TCHH: variants seen among roughly 807,000 people sequenced by gnomAD.
The protein encoded by TCHH is trichohyalin.
TCHH carries 6 observed loss-of-function variants against 6.3 expected under a neutral mutation model. That is an observed-to-expected ratio of 0.95 (90% CI 0.52 to 1.88). The LOEUF is 1.88. Among genes scored for constraint, TCHH ranks in the 40% most tolerant of loss-of-function variants. TCHH has a pLI of 0.01. For synonymous variants in TCHH, 1,087 were observed against 963.6 expected, an observed-to-expected ratio of 1.13 and a Z score of -2.37; for missense variants, 2,920 against 2,449.1, an observed-to-expected ratio of 1.19 and a Z score of -4.06.
In TCHH at chr1:152,113,064, A is replaced by G. The variant is rs752529355; in HGVS notation, c.153T>C (p.Pro51=). 1.2e-5 allele frequency: 20 copies of G among 1,608,802 alleles called. No individual in the cohort carries two copies. The highest frequency in any genetic ancestry group is 1.5e-5 in the Non-Finnish European group (18 of 1,177,322). ...GTTCCAGGATCAGATCTACCGTCTT[A>G]GGGTCATGTGGTCTCTATAAAAATG... ...FGAVLRRPHD[P]KTVDLILELL... Residue 51 remains proline (P), a synonymous_variant, in exon 3 of 3, where the codon CCT becomes CCC. Transcript: ENST00000614923.
In TCHH at chr1:152,111,034, C is replaced by T; in HGVS notation, c.2183G>A (p.Gly728Glu). ...KVYSRPRKQEGQRRRQEQEEK... is the reference protein window; with the variant it reads ...KVYSRPRKQEEQRRRQEQEEK... ...CTCCTGCTCTTGGCGGCGCCTCTGC[C>T]CTTCCTGCTTGCGGGGCCTCGAGTA... Residue 728 changes from glycine to glutamate, a missense_variant, in exon 3 of 3, where the codon GGG becomes GAG. Gly to Glu is a moderately conservative substitution (Grantham distance 98). Coordinates refer to ENST00000614923, the MANE Select transcript of TCHH (RefSeq NM_007113.4). The T allele has an allele frequency of 6.2e-7, 1 of 1,613,530 alleles. No individual in the cohort carries two copies. The highest frequency in any genetic ancestry group is 8.5e-7 in the Non-Finnish European group (1 of 1,179,996).
Position 152,109,477 on chromosome 1 carries a change from TTC to T in TCHH, c.3738_3739del (p.Asn1247Ter), listed in dbSNP as rs752545025. ...ATCTTCCAACTGCCGGAACTGTTCA[TTC>T]TCTCTGCCTTTGCAGTAAACCTTGT... On this transcript the variant is annotated frameshift_variant, in exon 3 of 3. Transcript: ENST00000614923. LOFTEE classifies it low-confidence loss of function (END_TRUNC). The T allele has an allele frequency of 6.2e-7, 1 of 1,614,244 alleles. No individual in the cohort carries two copies. Among genetic ancestry groups the T allele is most frequent in the Non-Finnish European group, 8.5e-7 (1 of 1,180,040 alleles).
chr1:152,111,898 T>G lies in TCHH; in HGVS notation c.1319A>C (p.Gln440Pro), dbSNP rs768448358. Reference sequence around the variant, plus strand: ...CTTCAGCCGCTGCTCGCGCCTCTCCTGCTCGTGCTTCTGCTCGTGCCTCTC... The same window carrying G: ...CTTCAGCCGCTGCTCGCGCCTCTCCGGCTCGTGCTTCTGCTCGTGCCTCTC... ...EEERHEQKHE[Q>P]ERREQRLKRE... is the part of the protein sequence containing the mutation. Residue 440 changes from glutamine to proline, a missense_variant, in exon 3 of 3, where the codon CAG becomes CCG. Transcript: ENST00000614923. 1.3e-6 allele frequency: 2 copies of G among 1,599,628 alleles called. No homozygotes were observed. Among genetic ancestry groups the G allele is most frequent in the Non-Finnish European group, 1.7e-6 (2 of 1,176,618 alleles).
rs756501254 is a variant in TCHH at position 152,109,715 on chromosome 1, T to G, written c.3502A>C (p.Arg1168=). The G allele has an allele frequency of 3.1e-6, 5 of 1,604,908 alleles. No individual in the cohort carries two copies. The highest frequency in any genetic ancestry group is 4.3e-6 in the Non-Finnish European group (5 of 1,176,326). ...PEKRRRQELE[R]QYREEEELQQ... is the part of the protein sequence containing the mutation. The stretch of plus-strand genomic sequence containing the variant: ...AGCTCCTCTTCCTCGCGGTATTGCC[T>G]CTCCAGCTCCTGGCGCCTTCTCTTC... Residue 1168 remains arginine (R), a synonymous_variant, in exon 3 of 3, where the codon AGG becomes CGG. Coordinates refer to ENST00000614923, the MANE Select transcript of TCHH (RefSeq NM_007113.4).
At position 152,109,815 on chromosome 1, in the gene TCHH, C is replaced by T; in HGVS notation, c.3402G>A (p.Gln1134=). The part of the protein sequence containing the change: ...LREEREKRRR[Q]ELERQYREEE... The stretch of plus-strand genomic sequence containing the variant: ...CCTCCCGATATTGCCTCTCCAGCTC[C>T]TGGCGCCTTCTCTTCTCCCGTTCCT... Residue 1134 remains glutamine, a synonymous_variant, in exon 3 of 3, where the codon CAG becomes CAA. Coordinates refer to ENST00000614923, the MANE Select transcript of TCHH (RefSeq NM_007113.4). 1.3e-6 allele frequency: 2 copies of T among 1,593,824 alleles called. No individual in the cohort carries two copies. The highest frequency in any genetic ancestry group is 1.7e-6 in the Non-Finnish European group (2 of 1,167,882).
rs765262516 is a variant in TCHH at position 152,109,424 on chromosome 1, G to C, written c.3793C>G (p.Gln1265Glu). ...TCACCCAGCAGGTGCTGCAGATCTT[G>C]CTGGGATTGTCTGTCGCGCAGCTGG... ...DSQLRDRQSQ[Q>E]DLQHLLGEQQ... Residue 1265 changes from glutamine (Q) to glutamate (E), a missense_variant, in exon 3 of 3, where the codon CAA becomes GAA. Gln to Glu is a conservative substitution (Grantham distance 29). Transcript: ENST00000614923. The C allele has an allele frequency of 9.3e-6, 15 of 1,613,442 alleles. No individual in the cohort carries two copies. Among genetic ancestry groups the C allele is most frequent in the Non-Finnish European group, 1.1e-5 (13 of 1,179,532 alleles).
In TCHH at chr1:152,110,636, C is replaced by T; in HGVS notation, c.2581G>A (p.Glu861Lys). The T allele has an allele frequency of 6.2e-7, 1 of 1,613,624 alleles. No homozygotes were observed. ...EEEDGLQEDQ[E>K]RRRSQEQRRD... ...CGCTGCTCCTGGCTTCGCCTCCTCT[C>T]CTGATCCTCCTGGAGGCCGTCCTCC... The change falls in exon 3 of 3, where the codon GAG becomes AAG. Residue 861 changes from glutamate (E) to lysine (K), a missense_variant. Glu to Lys is a moderately conservative substitution (Grantham distance 56, BLOSUM62 1). Transcript: ENST00000614923.
At position 152,109,878 on chromosome 1, in the gene TCHH, T is replaced by G. The variant is rs1299779698; in HGVS notation, c.3339A>C (p.Glu1113Asp). The G allele has an allele frequency of 4.4e-6, 7 of 1,598,174 alleles. No individual in the cohort carries two copies. Among genetic ancestry groups the G allele is most frequent in the African/African-American group, 4.2e-5 (3 of 71,402 alleles). ...RQERERQCREEEELQQEEEQL... is the reference protein window; with the variant it reads ...RQERERQCREDEELQQEEEQL... The stretch of plus-strand genomic sequence containing the variant: ...GCTCTTCCTCCTGCTGCAGCTCCTC[T>G]TCCTCCCGACATTGCCTCTCCCGCT... The change falls in exon 3 of 3, where the codon GAA becomes GAC. Residue 1113 changes from glutamate to aspartate, a missense_variant. By Grantham distance (45) the Glu-to-Asp change is conservative. Transcript: ENST00000614923.
In TCHH at chr1:152,107,325, G is replaced by A. The variant is rs1658130951; in HGVS notation, c.*60C>T. On this transcript the variant is annotated 3_prime_UTR_variant, in exon 3 of 3. Coordinates refer to ENST00000614923, the MANE Select transcript of TCHH (RefSeq NM_007113.4). ...CATCTGAGTTATCACTTGGTACCCA[G>A]TGTTTCTCATTTTCCCGTGCTCGAA... is the stretch of plus-strand genomic sequence containing the variant. 3.4e-6 allele frequency: 5 copies of A among 1,450,188 alleles called. No homozygotes were observed. Among genetic ancestry groups the A allele is most frequent in the African/African-American group, 1.4e-5 (1 of 70,360 alleles). 89.8% of individuals were successfully genotyped at this position (1,450,188 alleles called of 1,614,324 possible).
chr1:152,113,701 T>C (rs1475040349), intron 2 of TCHH, among the ~76,000 whole-genome samples: 1 of 152,232 alleles, frequency 6.6e-6, no homozygotes, highest in East Asian at 1.9e-4. Context: ...TTGACATCTT[T>C]TGTGGTAATG....
chr1:152,107,440 C>G lies in TCHH; in HGVS notation c.5777G>C (p.Arg1926Pro). The stretch of plus-strand genomic sequence containing the variant: ...GATGTACTCATAGAGAGGGCTGGAG[C>G]GCACTGGGACACTGGCAAACTGATG... ...GTHQFASVPV[R>P]SSPLYEYIQE... Residue 1926 changes from arginine (R) to proline (P), a missense_variant, in exon 3 of 3, where the codon CGC (arginine) becomes CCC (proline). By Grantham distance (103) the Arg-to-Pro change is moderately radical (BLOSUM62 -2). Transcript: ENST00000614923. 6.2e-7 allele frequency: 1 copy of G among 1,611,884 alleles called. No individual in the cohort carries two copies.
In TCHH at chr1:152,107,445, T is replaced by A. The variant is rs1306749722; in HGVS notation, c.5772A>T (p.Pro1924=). ...ACTCATAGAGAGGGCTGGAGCGCAC[T>A]GGGACACTGGCAAACTGATGAGTGC... ...EPGTHQFASV[P]VRSSPLYEYI... The change falls in exon 3 of 3, where the codon CCA becomes CCT. Residue 1924 remains proline (P), a synonymous_variant. Transcript: ENST00000614923. 1 of 1,613,342 alleles carries A rather than the reference T, an allele frequency of 6.2e-7. No homozygotes were observed. The highest frequency in any genetic ancestry group is 8.5e-7 in the Non-Finnish European group (1 of 1,179,672).
Position 152,109,161 on chromosome 1 carries a change from C to G in TCHH, c.4056G>C (p.Pro1352=). The change falls in exon 3 of 3, where the codon CCG becomes CCC. Residue 1352 remains proline (P), a synonymous_variant. Transcript: ENST00000614923. ...TTCTGTCACGCTCTTGGCGGCGCAG[C>G]GGCTGTTCCTCCCTTTCCTGGAGCA... ...EQLLQEREEQ[P]LRRQERDRKF... The G allele has an allele frequency of 6.2e-7, 1 of 1,613,762 alleles. No individual in the cohort carries two copies. The highest frequency in any genetic ancestry group is 2.2e-5 in the East Asian group (1 of 44,866).
In TCHH at chr1:152,112,830, C is replaced by A. The variant is rs369498918; in HGVS notation, c.387G>T (p.Leu129=). 9.9e-5 allele frequency: 160 copies of A among 1,613,844 alleles called. No homozygotes were observed. The highest frequency in any genetic ancestry group is 1.3e-4 in the Non-Finnish European group (149 of 1,180,012). The change falls in exon 3 of 3, where the codon CTG becomes CTT. Residue 129 remains leucine, a synonymous_variant. Transcript: ENST00000614923. ...TGCGTCGTTGCCCAGGTTCTTCTTC[C>A]AGTTGTCTGTCCCGGGGCTCGAATC... The part of the protein sequence containing the change: ...QRRFEPRDRQ[L]EEEPGQRRRQ...
At position 152,111,365 on chromosome 1, in the gene TCHH, G is replaced by A. The variant is rs755878317; in HGVS notation, c.1852C>T (p.Gln618Ter). The A allele has an allele frequency of 1.2e-6, 2 of 1,607,832 alleles. No individual in the cohort carries two copies. Among genetic ancestry groups the A allele is most frequent in the Non-Finnish European group, 1.7e-6 (2 of 1,178,562 alleles). The change falls in exon 3 of 3, where the codon CAG (glutamine) becomes TAG (stop). Residue 618 changes from glutamine to a stop codon, truncating the protein, a stop_gained. Transcript: ENST00000614923. LOFTEE classifies it low-confidence loss of function (END_TRUNC). The part of the protein sequence containing the change: ...ERLEQEERRE[Q>*]RLKREEPEEE... Reference sequence around the variant, plus strand: ...TCCGGCTCCTCGCGCTTCAGCCGCTGCTCGCGCCTCTCCTCCTGCTCGAGT... The same window carrying A: ...TCCGGCTCCTCGCGCTTCAGCCGCTACTCGCGCCTCTCCTCCTGCTCGAGT...
At position 152,110,351 on chromosome 1, in the gene TCHH, G is replaced by C. The variant is rs372726423; in HGVS notation, c.2866C>G (p.Arg956Gly). The C allele has an allele frequency of 1.6e-5, 26 of 1,607,438 alleles. No homozygotes were observed. The highest frequency in any genetic ancestry group is 2.2e-5 in the Non-Finnish European group (26 of 1,177,998). Residue 956 changes from arginine (R) to glycine (G), a missense_variant, in exon 3 of 3, where the codon CGG becomes GGG. By Grantham distance (125) the Arg-to-Gly change is moderately radical. Coordinates refer to ENST00000614923, the MANE Select transcript of TCHH (RefSeq NM_007113.4). ...TTATCCTTCCGATATTGCCTTTCCCGCTCCTGGCGTCTTCTTTTCTCCCGT... is the reference window on the plus strand; with the variant it reads ...TTATCCTTCCGATATTGCCTTTCCCCCTCCTGGCGTCTTCTTTTCTCCCGT... Reference protein sequence around the residue: ...EEREKRRRQERERQYRKDKKL... With the variant: ...EEREKRRRQEGERQYRKDKKL...
Position 152,115,014 on chromosome 1 carries a change from C to G in TCHH, c.-32+377G>C, listed in dbSNP as rs373822083. Among the ~76,000 whole-genome samples the G allele has an allele frequency of 1.5e-4, 23 of 152,318 alleles. No individual in the cohort carries two copies. In the East Asian group the frequency reaches 3.7e-3, roughly 24 times the overall value. On this transcript the variant is annotated intron_variant, in intron 1 of 2. Coordinates refer to ENST00000614923, the MANE Select transcript of TCHH (RefSeq NM_007113.4). ...ATCTAGCTGACTTCTTTATGTACTT[C>G]TCAACTCCAGTACCTTAAATGCTGT...
At position 152,108,266 on chromosome 1, in the gene TCHH, G is replaced by A. The variant is rs1322619236; in HGVS notation, c.4951C>T (p.Gln1651Ter). The A allele has an allele frequency of 1.9e-6, 3 of 1,613,038 alleles. No individual in the cohort carries two copies. ...TGTTCGCGCTCCTGGCGGCGCAGCT[G>A]CGGTTCCTCCTCGAGGAATTTTCTG... is the stretch of plus-strand genomic sequence containing the variant. ...RDRKFLEEEP[Q>*]LRRQEREQQL... The change falls in exon 3 of 3, where the codon CAG becomes TAG. Residue 1651 changes from glutamine (Q) to a stop codon, truncating the protein, a stop_gained. Transcript: ENST00000614923. LOFTEE classifies it low-confidence loss of function (END_TRUNC).
In TCHH at chr1:152,108,034, T is replaced by G. The variant is rs770475814; in HGVS notation, c.5183A>C (p.Glu1728Ala). Reference sequence around the variant, plus strand: ...CTCCGTTTCTTGGCGCAGCTGTTCCTCCTCACGGAATTTTCTCTCCAGTTC... The same window carrying G: ...CTCCGTTTCTTGGCGCAGCTGTTCCGCCTCACGGAATTTTCTCTCCAGTTC... ...RQELERKFRE[E>A]EQLRQETEQE... is the part of the protein sequence containing the mutation. Residue 1728 changes from glutamate to alanine, a missense_variant, in exon 3 of 3, where the codon GAG becomes GCG. By Grantham distance (107) the Glu-to-Ala change is moderately radical. Coordinates refer to ENST00000614923, the MANE Select transcript of TCHH (RefSeq NM_007113.4). 2.6e-5 allele frequency: 42 copies of G among 1,614,018 alleles called. No homozygotes were observed. The highest frequency in any genetic ancestry group is 1.2e-4 in the Admixed American group (7 of 60,012).
Sources: allele counts gnomAD v4.1 joint callset (sites outside exome capture counted in the v4.1 genomes callset), GRCh38; gene constraint gnomAD v4.1.1; transcripts MANE v1.5; gene names NCBI Gene and HGNC (gene_info 2026-07-23, HGNC 2026-07-21).